The following ENTREP2 variants were observed in gnomAD, a reference collection of about 807,000 sequenced individuals.
ENTREP2 encodes protein ENTREP2.
the ENTREP2 span, chr15:29,252,270 T>G: frequency 1.5e-4 from 102 of 664,316 alleles, no homozygotes; most frequent in East Asian, 2.9e-4. Context: ...AAAGTGTACA[T>G]GAGAACCTAA....
At chr15:29,221,187 T>G in the ENTREP2 span, among the ~76,000 whole-genome samples, 1 of 152,066 alleles carries the variant, frequency 6.6e-6, no homozygotes, top group South Asian at 2.1e-4. Context: ...TTACACCACC[T>G]TTTAATGCAA....
At chr15:29,666,607 TC>T in the ENTREP2 span, among the ~76,000 whole-genome samples, 1 of 152,164 alleles carries the variant, frequency 6.6e-6, no homozygotes, top group African/African-American at 2.4e-5. Flanking sequence ...AAATCTGAAG[TC>T]CTCACCGTGC....
chr15:29,328,368 G>C, the ENTREP2 span, among the ~76,000 whole-genome samples: 1 of 152,142 alleles, frequency 6.6e-6, no homozygotes, highest in Non-Finnish European at 1.5e-5. Context: ...CTATGCATTT[G>C]TCAAAACCCA....
chr15:29,616,057 G>A, the ENTREP2 span, among the ~76,000 whole-genome samples: 1 of 152,234 alleles, frequency 6.6e-6, no homozygotes, highest in Non-Finnish European at 1.5e-5. Flanking sequence ...GCAGGTAACA[G>A]TGTCTGTTGG....
chr15:29,508,560 C>G, the ENTREP2 span, among the ~76,000 whole-genome samples: 2 of 152,244 alleles, frequency 1.3e-5, no homozygotes, highest in South Asian at 4.2e-4. Context: ...ACAATCAAGT[C>G]GGCTTCATCC....
chr15:29,629,731 CTATTG>C, the ENTREP2 span, among the ~76,000 whole-genome samples: 2,109 of 152,194 alleles, frequency 0.014, 52 homozygotes, highest in African/African-American at 0.049. Flanking sequence ...TTTACTTATT[CTATTG>C]TTTTTTTCTT....
the ENTREP2 span, among the ~76,000 whole-genome samples, chr15:29,396,767 T>C: frequency 1.1e-4 from 16 of 152,328 alleles, no homozygotes; most frequent in African/African-American, 3.6e-4. Context: ...CTTTAATCCA[T>C]TTTGAGTTAA....
the ENTREP2 span, among the ~76,000 whole-genome samples, chr15:29,264,327 G>T: frequency 6.6e-6 from 1 of 151,988 alleles, no homozygotes; most frequent in African/African-American, 2.4e-5. Context: ...TAGATAATAA[G>T]TTAATGATAA....
the ENTREP2 span, among the ~76,000 whole-genome samples, chr15:29,464,011 T>C: frequency 1.3e-5 from 2 of 151,972 alleles, no homozygotes; most frequent in African/African-American, 4.8e-5. Context: ...AGTCATCAAA[T>C]TCATTGAGAT....
the ENTREP2 span, among the ~76,000 whole-genome samples, chr15:29,568,732 A>G: frequency 7.5e-6 from 1 of 133,378 alleles, no homozygotes; most frequent in Non-Finnish European, 1.7e-5. Flanking sequence ...AAAAAAAAAA[A>G]AAAGAATAGG....
chr15:29,269,495 C>A, the ENTREP2 span: 1 of 1,608,056 alleles, frequency 6.2e-7, no homozygotes, highest in Admixed American at 1.7e-5. Context: ...GCGGCCTGGG[C>A]CCGGCGGGCG....
the ENTREP2 span, among the ~76,000 whole-genome samples, chr15:29,638,144 G>A: frequency 5.3e-4 from 80 of 152,298 alleles, 1 homozygote; most frequent in South Asian, 1.5e-3. Context: ...AAATCAAAAG[G>A]AATCTGGCCT....
chr15:29,265,676 A>G, the ENTREP2 span: 2 of 152,226 alleles, frequency 1.3e-5, no homozygotes, highest in East Asian at 3.8e-4. Context: ...GTATTTGCAA[A>G]TGGATAGCAA....
chr15:29,380,179 C>T, the ENTREP2 span, among the ~76,000 whole-genome samples: 6 of 152,166 alleles, frequency 3.9e-5, no homozygotes, highest in Admixed American at 1.3e-4. Flanking sequence ...TTTACTTTTA[C>T]GTATGTTTGA....
At chr15:29,486,408 T>C in the ENTREP2 span, among the ~76,000 whole-genome samples, 1 of 152,140 alleles carries the variant, frequency 6.6e-6, no homozygotes, top group African/African-American at 2.4e-5. Flanking sequence ...AATGAAATCC[T>C]GTCCGGGCAC....
the ENTREP2 span, chr15:29,123,131 C>A: frequency 1.9e-6 from 1 of 538,996 alleles, no homozygotes; most frequent in Non-Finnish European, 3.2e-6. Context: ...GCAGGAAATG[C>A]AATCCCCAAA....
chr15:29,377,927 T>C, the ENTREP2 span, among the ~76,000 whole-genome samples: 1 of 150,748 alleles, frequency 6.6e-6, no homozygotes, highest in African/African-American at 2.4e-5. Context: ...GAGAAGGATG[T>C]CTGAGTGTCT....
chr15:29,290,219 TC>T, the ENTREP2 span, among the ~76,000 whole-genome samples: 2 of 152,132 alleles, frequency 1.3e-5, no homozygotes, highest in South Asian at 4.1e-4. Context: ...CCTCCTACTT[TC>T]CCTGAGGGCA....
the ENTREP2 span, among the ~76,000 whole-genome samples, chr15:29,199,521 T>C: frequency 6.6e-6 from 1 of 152,192 alleles, no homozygotes. Flanking sequence ...TGGGTAGGAC[T>C]GTATTCAGAG....
Sources: allele counts gnomAD v4.1 joint callset (sites outside exome capture counted in the v4.1 genomes callset), GRCh38; gene constraint gnomAD v4.1.1; transcripts MANE v1.5; gene names NCBI Gene and HGNC (gene_info 2026-07-23, HGNC 2026-07-21).